Variants in PRCP observed in about 807,000 individuals in gnomAD.
PRCP encodes prolylcarboxypeptidase.
Under a neutral mutation model 54.2 loss-of-function variants are expected in PRCP, and 46 were observed. The ratio of observed to expected loss-of-function variants is 0.85; its 90% confidence interval spans 0.67 to 1.09. PRCP has a LOEUF of 1.09. Among genes scored for constraint, PRCP ranks in the 50% least tolerant of loss-of-function variants. The probability of loss-of-function intolerance (pLI) is 0.00; values close to 1 mark genes in which losing one functional copy is unlikely to be tolerated. For synonymous variants in PRCP, 240 were observed against 212.2 expected (o/e 1.13, Z -1.14); for missense variants, 613 against 596.8 (o/e 1.03, Z -0.28).
intron 2 of PRCP, among the ~76,000 whole-genome samples, chr11:82,856,198 C>T (rs1329762298): frequency 2.0e-5 from 3 of 152,058 alleles, no homozygotes. Flanking sequence ...AACCATTCTA[C>T]CAAAAAGACA....
At chr11:82,867,465 A>C (rs1159597204) in intron 1 of PRCP, among the ~76,000 whole-genome samples, 1 of 152,228 alleles carries the variant, frequency 6.6e-6, no homozygotes, top group Non-Finnish European at 1.5e-5. Flanking sequence ...ACATGTTTTG[A>C]CAAATAACAG....
chr11:82,883,255 C>CA (rs1859793301), intron 1 of PRCP, among the ~76,000 whole-genome samples: 1 of 152,104 alleles, frequency 6.6e-6, no homozygotes, highest in African/African-American at 2.4e-5. Flanking sequence ...GTCAGTTACC[C>CA]AGCCCATGGC....
At chr11:82,857,412 G>A (rs191763282) in intron 2 of PRCP, among the ~76,000 whole-genome samples, 15 of 152,288 alleles carry the variant, frequency 9.8e-5, no homozygotes, top group Non-Finnish European at 1.6e-4. Context: ...GCTAGTAAGC[G>A]GCATTGCCAA....
chr11:82,884,968 T>C, intron 1 of PRCP: 1 of 1,552,494 alleles, frequency 6.4e-7, no homozygotes, highest in Non-Finnish European at 8.7e-7. Context: ...AAACAATATA[T>C]GCCATCAGTG....
Position 82,848,111 on chromosome 11 carries a change from G to A in PRCP, c.921+938C>T, listed in dbSNP as rs574650204. On this transcript the variant is annotated intron_variant, in intron 6 of 8. Transcript: ENST00000313010. ...GGTATACATGTAATAATTCAAAGGG[G>A]TGGTTAAATTAAAAGTGCATTTGAA... 2.4e-4 allele frequency among the ~76,000 whole-genome samples: 36 copies of A among 152,276 alleles called. 1 individual carries two copies. The South Asian group carries it at 7.5e-3, about 32-fold the overall frequency.
At chr11:82,852,032 C>G (rs1858970868) in intron 3 of PRCP, among the ~76,000 whole-genome samples, 1 of 152,146 alleles carries the variant, frequency 6.6e-6, no homozygotes, top group African/African-American at 2.4e-5. Context: ...AGAAGTATAT[C>G]AAAAAGAGCC....
At position 82,824,779 on chromosome 11, in the gene PRCP, A is replaced by T. The variant is rs578127125; in HGVS notation, c.*127T>A. 31 of 936,514 alleles carry T rather than the reference A, an allele frequency of 3.3e-5. No homozygotes were observed. In the African/African-American group the frequency reaches 4.6e-4, roughly 14 times the overall value. The allele number at this position is 936,514 out of a possible 1,614,324, so 58.0% of individuals were successfully genotyped here. On this transcript the variant is annotated 3_prime_UTR_variant, in exon 9 of 9. Coordinates refer to ENST00000313010, the MANE Select transcript of PRCP (RefSeq NM_005040.4). ...TCTTACCGTCATCACCCTCTATTCT[A>T]TCTCAACTTTGGCCCCATCAAATCT...
At chr11:82,846,847 C>G (rs1319065079) in intron 6 of PRCP, among the ~76,000 whole-genome samples, 1 of 152,168 alleles carries the variant, frequency 6.6e-6, no homozygotes, top group Non-Finnish European at 1.5e-5. Context: ...AGTTAGACTG[C>G]TCACTATTCC....
chr11:82,852,443 T>G (rs1858979551), intron 3 of PRCP, among the ~76,000 whole-genome samples: 1 of 152,234 alleles, frequency 6.6e-6, no homozygotes, highest in South Asian at 2.1e-4. Flanking sequence ...ACATTTTTAA[T>G]GGAACATTTA....
At position 82,839,414 on chromosome 11, in the gene PRCP, C is replaced by T; in HGVS notation, c.933G>A (p.Gln311=). The part of the protein sequence containing the change: ...LPAWPIKVVC[Q]YLKNPNVSDS... ...CAGATACATTGGGATTTTTCAAATA[C>T]TGGCACACTACCTGTCATTTTAGAA... The change falls in exon 7 of 9, where the codon CAG becomes CAA. Residue 311 remains glutamine, a synonymous_variant. Coordinates refer to ENST00000313010, the MANE Select transcript of PRCP (RefSeq NM_005040.4). 6.2e-7 allele frequency: 1 copy of T among 1,611,248 alleles called. No individual in the cohort carries two copies. The highest frequency in any genetic ancestry group is 8.5e-7 in the Non-Finnish European group (1 of 1,178,140).
Position 82,874,814 on chromosome 11 carries a change from TAGTTA to T in PRCP, c.169-14702_169-14698del, listed in dbSNP as rs1218653462. Among the ~76,000 whole-genome samples the T allele has an allele frequency of 2.6e-5, 4 of 151,478 alleles. No individual in the cohort carries two copies. The East Asian group carries it at 7.8e-4, about 29-fold the overall frequency. ...AGAAAAGAAGTCCTGGAGCAGGCAA[TAGTTA>T]AGCCTTTAATCCACACAGCCGTCTA... On this transcript the variant is annotated intron_variant, in intron 1 of 8. Coordinates refer to ENST00000313010, the MANE Select transcript of PRCP (RefSeq NM_005040.4).
intron 6 of PRCP, chr11:82,840,921 A>G (rs1249509601): frequency 6.6e-6 from 1 of 152,036 alleles, no homozygotes; most frequent in Non-Finnish European, 1.5e-5. Flanking sequence ...ACAGCTTAGG[A>G]AGTGTCCACC....
chr11:82,856,755 T>TA lies in PRCP; in HGVS notation c.309+3221dup, dbSNP rs201259389. On this transcript the variant is annotated intron_variant, in intron 2 of 8. Coordinates refer to ENST00000313010, the MANE Select transcript of PRCP (RefSeq NM_005040.4). ...TAAAAATAAAAGGTAATTTCAACTTTAAAAAAAAATGGGCCAGGCGCAGTC... is the reference window on the plus strand; with the variant it reads ...TAAAAATAAAAGGTAATTTCAACTTTAAAAAAAAAATGGGCCAGGCGCAGTC... Among the ~76,000 whole-genome samples the TA allele has an allele frequency of 9.4e-3, 1,419 of 150,738 alleles. 5 individuals are homozygous for TA. Among genetic ancestry groups the TA allele is most frequent in the Middle Eastern group, 0.014 (4 of 290 alleles).
At chr11:82,900,632 T>C, upstream of PRCP, 1 of 685,406 alleles carries the variant, frequency 1.5e-6, no homozygotes, top group South Asian at 1.5e-5. Flanking sequence ...TCTCGTGCCA[T>C]CTGCTCCTTA....
At chr11:82,857,411 C>T (rs1018419135) in intron 2 of PRCP, among the ~76,000 whole-genome samples, 14 of 152,144 alleles carry the variant, frequency 9.2e-5, no homozygotes, top group Non-Finnish European at 1.6e-4. Context: ...AGCTAGTAAG[C>T]GGCATTGCCA....
chr11:82,900,908 C>T (rs146250412), upstream of PRCP: 237 of 455,382 alleles, frequency 5.2e-4, 3 homozygotes, highest in African/African-American at 4.2e-3. Context: ...TCACTACAGG[C>T]CAGTGTATCA....
intron 8 of PRCP, among the ~76,000 whole-genome samples, chr11:82,832,099 T>G (rs1352822632): frequency 6.6e-6 from 1 of 152,228 alleles, no homozygotes; most frequent in African/African-American, 2.4e-5. Context: ...TGTCACATTT[T>G]CTTTATCTAG....
chr11:82,830,495 G>A (rs1417446229), intron 8 of PRCP: 1 of 151,646 alleles, frequency 6.6e-6, no homozygotes, highest in African/African-American at 2.4e-5. Flanking sequence ...GGGCGTGGTG[G>A]GGCATGCATG....
intron 1 of PRCP, among the ~76,000 whole-genome samples, chr11:82,867,033 C>T (rs11233353): frequency 0.25 from 38,177 of 152,108 alleles, 5,199 homozygotes; most frequent in Admixed American, 0.31. Context: ...TAGATAATTG[C>T]TCAACTGATG....
Sources: allele counts gnomAD v4.1 joint callset (sites outside exome capture counted in the v4.1 genomes callset), GRCh38; gene constraint gnomAD v4.1.1; transcripts MANE v1.5; gene names NCBI Gene and HGNC (gene_info 2026-07-23, HGNC 2026-07-21).